The following TMEM87B variants were observed in gnomAD, a reference collection of about 807,000 sequenced individuals.
TMEM87B encodes the protein transmembrane protein 87B.
TMEM87B carries 83 observed loss-of-function variants against 80.3 expected under a neutral mutation model. That is an observed-to-expected ratio of 1.03 (90% CI 0.87 to 1.24). The LOEUF (loss-of-function observed/expected upper bound fraction) is 1.24. Among genes scored for constraint, TMEM87B ranks in the 50% most tolerant of loss-of-function variants. The pLI is 0.00. For missense variants in TMEM87B, 625 were observed against 674.4 expected (o/e 0.93, Z 0.81); for synonymous variants, 219 against 230.5 (o/e 0.95, Z 0.45).
In TMEM87B at chr2:112,115,932, G is replaced by C. The variant is rs568601452; in HGVS notation, c.1609-152G>C. The C allele has an allele frequency of 1.1e-4, 65 of 602,154 alleles. No individual in the cohort carries two copies. The African/African-American group carries it at 1.2e-3, about 11-fold the overall frequency. 37.3% of individuals were successfully genotyped at this position (602,154 alleles called of 1,614,324 possible). A position where few individuals can be genotyped will look rare whatever the true frequency, so the allele number is the denominator to read the frequency against. On this transcript the variant is annotated intron_variant, in intron 18 of 18. Coordinates refer to ENST00000283206, the MANE Select transcript of TMEM87B (RefSeq NM_032824.3). Reference sequence around the variant, plus strand: ...ATTACAGGCATGAGTCACTGTACTTGGCCTTTTATTTTCTGTATGTAATAT... The same window carrying C: ...ATTACAGGCATGAGTCACTGTACTTCGCCTTTTATTTTCTGTATGTAATAT...
At chr2:112,080,473 A>G (rs1678961615) in intron 6 of TMEM87B, among the ~76,000 whole-genome samples, 1 of 148,764 alleles carries the variant, frequency 6.7e-6, no homozygotes, top group Non-Finnish European at 1.5e-5. Flanking sequence ...GTTAGCCAGG[A>G]TGGTCTCGAT....
rs888822421 is a variant in TMEM87B at position 112,084,310 on chromosome 2, A to G, written c.839-1695A>G. ...CTGCACTCTTTCGGAGAGCTCATCC[A>G]TTGTTTTCCTCCTAAAGCTTTCTCT... On this transcript the variant is annotated intron_variant, in intron 8 of 18. Coordinates refer to ENST00000283206, the MANE Select transcript of TMEM87B (RefSeq NM_032824.3). Among the ~76,000 whole-genome samples, 5 of 152,162 alleles carry G rather than the reference A, an allele frequency of 3.3e-5. No individual in the cohort carries two copies. The East Asian group carries it at 5.8e-4, about 18-fold the overall frequency.
chr2:112,107,639 A>G, intron 16 of TMEM87B, 149 bp from the exon 17 acceptor site: 2 of 398,530 alleles, frequency 5.0e-6, no homozygotes, highest in Admixed American at 8.9e-5. Context: ...TAATTTCTGT[A>G]TGGCATGAGT....
chr2:112,055,298 C>G lies in TMEM87B; in HGVS notation c.-294C>G. The G allele has an allele frequency of 2.2e-6, 1 of 457,226 alleles. No homozygotes were observed. Among genetic ancestry groups the G allele is most frequent in the Non-Finnish European group, 3.9e-6 (1 of 259,048 alleles). The allele number at this position is 457,226 out of a possible 1,614,324, so 28.3% of individuals were successfully genotyped here. A position where few individuals can be genotyped will look rare whatever the true frequency, so the allele number is the denominator to read the frequency against. ...TCACGCCCACGCTAGGCCCTGAGCC[C>G]AGCCTCCACGTCTCGCCGCCAACTC... On this transcript the variant is annotated 5_prime_UTR_variant, in exon 1 of 19. Transcript: ENST00000283206.
chr2:112,097,710 C>T (rs767596354), intron 13 of TMEM87B, among the ~76,000 whole-genome samples: 29 of 65,456 alleles, frequency 4.4e-4, no homozygotes, highest in Non-Finnish European at 5.8e-4. Flanking sequence ...GAGACTCCAT[C>T]TCAAAAAAAA....
chr2:112,073,794 A>G (rs1481522640), intron 4 of TMEM87B, among the ~76,000 whole-genome samples: 1 of 152,184 alleles, frequency 6.6e-6, no homozygotes, highest in East Asian at 1.9e-4. Context: ...GGGTGCATAT[A>G]TATTTAAGAG....
At chr2:112,057,622 C>T (rs911686296) in intron 1 of TMEM87B, among the ~76,000 whole-genome samples, 4 of 152,100 alleles carry the variant, frequency 2.6e-5, no homozygotes, top group African/African-American at 4.8e-5. Flanking sequence ...GGTTGAAGCA[C>T]CACTGTGTGT....
chr2:112,075,846 A>G (rs1472601192), intron 5 of TMEM87B, among the ~76,000 whole-genome samples: 1 of 152,222 alleles, frequency 6.6e-6, no homozygotes, highest in East Asian at 1.9e-4. Flanking sequence ...AAAATCTGTC[A>G]TATGATGAGG....
At chr2:112,098,894 G>T (rs1338309455) in intron 14 of TMEM87B, among the ~76,000 whole-genome samples, 196 bp downstream of exon 14, 1 of 152,198 alleles carries the variant, frequency 6.6e-6, no homozygotes, top group East Asian at 1.9e-4. Context: ...ATGGAAGAGG[G>T]TTGAGGAAGA....
chr2:112,066,945 C>A lies in TMEM87B; in HGVS notation c.328C>A (p.Gln110Lys). The change falls in exon 4 of 19, where the codon CAA (glutamine) becomes AAA (lysine). Residue 110 changes from glutamine (Q) to lysine (K), a missense_variant. By Grantham distance (53) the Gln-to-Lys change is moderately conservative. Coordinates refer to ENST00000283206, the MANE Select transcript of TMEM87B (RefSeq NM_032824.3). ...NEHSNLEELF[Q>K]KHKLSVDEDF... ...ATTTTACCTTATATAGGAGCTGTTCCAAAAACATAAACTTAGTGTTGATGA... is the reference window on the plus strand; with the variant it reads ...ATTTTACCTTATATAGGAGCTGTTCAAAAAACATAAACTTAGTGTTGATGA... The A allele has an allele frequency of 6.3e-7, 1 of 1,599,736 alleles. No homozygotes were observed. Among genetic ancestry groups the A allele is most frequent in the South Asian group, 1.1e-5 (1 of 87,372 alleles).
intron 4 of TMEM87B, among the ~76,000 whole-genome samples, chr2:112,073,915 C>A (rs1678733632): frequency 6.6e-6 from 1 of 152,112 alleles, no homozygotes. Flanking sequence ...GGCCTGCAAC[C>A]TCTGCTTTTT....
chr2:112,069,221 A>AAC (rs1558831389), intron 4 of TMEM87B, among the ~76,000 whole-genome samples: 3 of 150,674 alleles, frequency 2.0e-5, no homozygotes, highest in Admixed American at 6.6e-5. Flanking sequence ...AAAAAAAAAA[A>AAC]CTCATGTCAC....
chr2:112,064,447 A>G (rs1337393631), intron 3 of TMEM87B, among the ~76,000 whole-genome samples, 194 bp downstream of exon 3: 1 of 152,264 alleles, frequency 6.6e-6, no homozygotes, highest in Non-Finnish European at 1.5e-5. Context: ...GCCTTGTATG[A>G]TATGAAAAAT....
chr2:112,111,078 G>A (rs1679897009), intron 17 of TMEM87B, among the ~76,000 whole-genome samples: 1 of 152,144 alleles, frequency 6.6e-6, no homozygotes, highest in African/African-American at 2.4e-5. Flanking sequence ...TCACAGCAGG[G>A]AATCTGTTGG....
intron 17 of TMEM87B, 86 bp from the exon 18 acceptor site, chr2:112,112,813 C>T: frequency 1.6e-6 from 2 of 1,253,992 alleles, no homozygotes; most frequent in Non-Finnish European, 2.3e-6. Flanking sequence ...ATTAGTGGGC[C>T]ATGGCATGTG....
intron 9 of TMEM87B, among the ~76,000 whole-genome samples, chr2:112,088,977 T>A (rs1236277276): frequency 6.6e-6 from 1 of 152,182 alleles, no homozygotes; most frequent in Non-Finnish European, 1.5e-5. Context: ...GCCAGTTTGG[T>A]CTCGAACTCC....
At chr2:112,091,907 C>G in intron 11 of TMEM87B, 124 bp downstream of exon 11, 1 of 708,322 alleles carries the variant, frequency 1.4e-6, no homozygotes, top group Non-Finnish European at 2.3e-6. Flanking sequence ...CGAGGGTTCA[C>G]TTGAAGGTGA....
At chr2:112,084,962 T>C (rs932628150) in intron 8 of TMEM87B, among the ~76,000 whole-genome samples, 2 of 152,246 alleles carry the variant, frequency 1.3e-5, no homozygotes, top group African/African-American at 4.8e-5. Context: ...CTGTTGTAAC[T>C]ATTCACCCTT....
intron 5 of TMEM87B, among the ~76,000 whole-genome samples, chr2:112,075,443 A>G (rs1678782579): frequency 6.6e-6 from 1 of 152,218 alleles, no homozygotes; most frequent in Non-Finnish European, 1.5e-5. Context: ...TTTTGTATAT[A>G]CTGTTACTAT....
Sources: allele counts gnomAD v4.1 joint callset (sites outside exome capture counted in the v4.1 genomes callset), GRCh38; gene constraint gnomAD v4.1.1; transcripts MANE v1.5; gene names NCBI Gene and HGNC (gene_info 2026-07-23, HGNC 2026-07-21).